The following GLG1 variants were observed in gnomAD, a reference collection of about 807,000 sequenced individuals.
The protein encoded by GLG1 is Golgi apparatus protein 1.
A neutral mutation model predicts 160.5 loss-of-function variants in GLG1; 38 were observed. The observed-to-expected ratio is 0.24, with a 90% CI of 0.18 to 0.31. GLG1 has a LOEUF of 0.31. GLG1 is among the 10% of genes least tolerant of loss of function. The pLI is 1.00. For missense variants in GLG1, 1,373 were observed against 1,505.2 expected (o/e 0.91, Z 1.45); for synonymous variants, 644 against 543.4 (o/e 1.19, Z -2.57).
At chr16:74,582,887 T>C (rs1937478080) in intron 1 of GLG1, among the ~76,000 whole-genome samples, 1 of 151,952 alleles carries the variant, frequency 6.6e-6, no homozygotes, top group South Asian at 2.1e-4. Context: ...ATCTGGGTTC[T>C]ATAGAAGGTA....
rs532356409 is a variant in GLG1 at position 74,467,918 on chromosome 16, T to C, written c.2437-70A>G. 45 of 1,015,636 alleles carry C rather than the reference T, an allele frequency of 4.4e-5. No homozygotes were observed. The African/African-American group carries it at 5.4e-4, about 12-fold the overall frequency. The allele number at this position is 1,015,636 out of a possible 1,614,324, so 62.9% of individuals were successfully genotyped here. On this transcript the variant is annotated intron_variant, in intron 17 of 25. Coordinates refer to ENST00000422840, the MANE Select transcript of GLG1 (RefSeq NM_001145667.2). ...GGAGATGTCATATGTTCTGGAGACT[T>C]ATTTGTTGACTGCATCTTGTCTAGT...
chr16:74,487,771 A>G (rs904491206), intron 8 of GLG1, among the ~76,000 whole-genome samples: 8 of 152,188 alleles, frequency 5.3e-5, no homozygotes, highest in African/African-American at 1.9e-4. Flanking sequence ...TACATGCACT[A>G]GACTGCAAAT....
In GLG1 at chr16:74,471,170, G is replaced by C; in HGVS notation, c.2229+3C>G. Reference sequence around the variant, plus strand: ...GGGATATTGGCAGCCAGGTGTCACTGACCAGCTGGAAGTGGGTAACTCCGA... The same window carrying C: ...GGGATATTGGCAGCCAGGTGTCACTCACCAGCTGGAAGTGGGTAACTCCGA... On this transcript the variant is annotated splice_donor_region_variant and intron_variant, in intron 15 of 25. Transcript: ENST00000422840. 1.3e-6 allele frequency: 2 copies of C among 1,523,478 alleles called. No homozygotes were observed. Among genetic ancestry groups the C allele is most frequent in the Non-Finnish European group, 1.8e-6 (2 of 1,097,122 alleles). 94.4% of individuals were successfully genotyped at this position (1,523,478 alleles called of 1,614,324 possible).
chr16:74,573,686 C>A (rs1222647072), intron 1 of GLG1, among the ~76,000 whole-genome samples: 2 of 150,406 alleles, frequency 1.3e-5, no homozygotes, highest in African/African-American at 4.9e-5. Context: ...TACAGTCGCA[C>A]ACTACTGAGC....
chr16:74,581,397 G>A (rs1957934239), intron 1 of GLG1, among the ~76,000 whole-genome samples: 2 of 152,024 alleles, frequency 1.3e-5, no homozygotes, highest in African/African-American at 4.8e-5. Context: ...GACATAAAAG[G>A]ACAAATATCA....
At chr16:74,603,544 AG>A (rs1250456169) in intron 1 of GLG1, among the ~76,000 whole-genome samples, 1 of 152,102 alleles carries the variant, frequency 6.6e-6, no homozygotes, top group African/African-American at 2.4e-5. Flanking sequence ...CCAAAGGGCT[AG>A]GATTTCAAGT....
At chr16:74,459,004 C>T (rs955455572) in intron 23 of GLG1, among the ~76,000 whole-genome samples, 1 of 152,048 alleles carries the variant, frequency 6.6e-6, no homozygotes. Flanking sequence ...GAAATAAAAA[C>T]CAAAAACCAA....
At chr16:74,572,838 G>T (rs2018873767) in intron 1 of GLG1, among the ~76,000 whole-genome samples, 1 of 152,186 alleles carries the variant, frequency 6.6e-6, no homozygotes, top group Admixed American at 6.5e-5. Flanking sequence ...ATAGCAGGTT[G>T]GTCAGAAGCA....
intron 1 of GLG1, among the ~76,000 whole-genome samples, chr16:74,583,710 T>C (rs759105944): frequency 2.6e-5 from 4 of 152,078 alleles, no homozygotes; most frequent in African/African-American, 9.7e-5. Context: ...CTTGGTTAAA[T>C]TCTATCATTC....
At chr16:74,594,673 C>A (rs1422508300) in intron 1 of GLG1, among the ~76,000 whole-genome samples, 1 of 152,108 alleles carries the variant, frequency 6.6e-6, no homozygotes, top group Admixed American at 6.6e-5. Flanking sequence ...AGCTAAAGCA[C>A]CCCTTACAAC....
intron 1 of GLG1, among the ~76,000 whole-genome samples, chr16:74,572,595 G>A (rs1286475560): frequency 6.6e-6 from 1 of 152,010 alleles, no homozygotes; most frequent in Non-Finnish European, 1.5e-5. Context: ...CTGGACACAG[G>A]TTCCTGGAGA....
At chr16:74,477,985 T>C (rs867480113) in intron 11 of GLG1, among the ~76,000 whole-genome samples, 26 of 135,216 alleles carry the variant, frequency 1.9e-4, no homozygotes, top group South Asian at 9.3e-4. Context: ...AAAAAATAAA[T>C]AAATAAATAA....
At position 74,506,041 on chromosome 16, in the gene GLG1, A is replaced by G. The variant is rs866839366; in HGVS notation, c.559-2295T>C. ...AGAGACTCCATCTTAAAAAAAAAAA[A>G]AAAAAAAAAAGAGGGCCAGGACTGT... On this transcript the variant is annotated intron_variant, in intron 3 of 25. Transcript: ENST00000422840. Among the ~76,000 whole-genome samples the G allele has an allele frequency of 3.5e-3, 534 of 150,796 alleles. 3 individuals are homozygous for G. Among genetic ancestry groups the G allele is most frequent in the African/African-American group, 0.012 (507 of 41,028 alleles).
intron 2 of GLG1, among the ~76,000 whole-genome samples, chr16:74,511,059 C>G (rs1225943452): frequency 6.6e-6 from 1 of 152,030 alleles, no homozygotes; most frequent in Non-Finnish European, 1.5e-5. Flanking sequence ...GAGGACTGAC[C>G]GAGGAGCCTC....
chr16:74,558,438 T>C (rs940079520), intron 1 of GLG1, among the ~76,000 whole-genome samples: 1 of 152,212 alleles, frequency 6.6e-6, no homozygotes, highest in African/African-American at 2.4e-5. Flanking sequence ...ATGTTTGAAC[T>C]GTATTACTGA....
chr16:74,537,743 T>G (rs1221202393), intron 1 of GLG1, among the ~76,000 whole-genome samples: 4 of 143,348 alleles, frequency 2.8e-5, no homozygotes, highest in Non-Finnish European at 6.1e-5. Context: ...ATTTCAAGTT[T>G]TTTTAATGCA....
In GLG1 at chr16:74,452,066, C is replaced by G. The variant is rs578176804; in HGVS notation, c.*1101G>C. On this transcript the variant is annotated 3_prime_UTR_variant, in exon 26 of 26. Transcript: ENST00000422840. Reference sequence around the variant, plus strand: ...GAGTGTGCAGAAAGGTCAGGCTGGACTGCCTGTCACATCCTGAGACCACAC... The same window carrying G: ...GAGTGTGCAGAAAGGTCAGGCTGGAGTGCCTGTCACATCCTGAGACCACAC... The G allele has an allele frequency of 3.0e-5, 48 of 1,611,748 alleles. No homozygotes were observed. The highest frequency in any genetic ancestry group is 4.0e-5 in the Non-Finnish European group (47 of 1,177,892).
intron 1 of GLG1, among the ~76,000 whole-genome samples, chr16:74,578,734 A>C (rs973093462): frequency 6.6e-6 from 1 of 152,208 alleles, no homozygotes; most frequent in African/African-American, 2.4e-5. Flanking sequence ...TGCACACACA[A>C]AAAAAGCTAT....
chr16:74,479,208 T>C (rs1213102789), intron 11 of GLG1, among the ~76,000 whole-genome samples: 2 of 133,468 alleles, frequency 1.5e-5, no homozygotes, highest in Non-Finnish European at 3.1e-5. Context: ...TGGGGTGCAG[T>C]GAGACACATT....
Sources: gnomAD v4.1 joint callset for allele counts (sites outside exome capture counted in the v4.1 genomes callset) on GRCh38, gnomAD v4.1.1 for gene constraint, MANE v1.5 for transcripts, NCBI Gene and HGNC (gene_info 2026-07-23, HGNC 2026-07-21) for gene names.